Variants in STPG2 observed in about 807,000 individuals in gnomAD.
The protein encoded by STPG2 is sperm-tail PG-rich repeat-containing protein 2.
STPG2 carries 56 observed loss-of-function variants against 54.2 expected under a neutral mutation model. The ratio of observed to expected loss-of-function variants is 1.03; its 90% CI spans 0.83 to 1.29. The LOEUF (loss-of-function observed/expected upper bound fraction) is 1.29. Among genes scored for constraint, STPG2 ranks in the 50% most tolerant of loss-of-function variants. The pLI is 0.00. For synonymous variants in STPG2, 200 were observed against 181.8 expected, an observed-to-expected ratio of 1.10 and a Z score of -0.81; for missense variants, 596 against 544.9, an observed-to-expected ratio of 1.09 and a Z score of -0.93.
intron 9 of STPG2, among the ~76,000 whole-genome samples, chr4:97,772,130 G>A (rs757112193): frequency 4.6e-5 from 7 of 152,100 alleles, no homozygotes; most frequent in Non-Finnish European, 1.0e-4. Context: ...AAAGGAATTT[G>A]GTCCATTTGA....
intron 8 of STPG2, among the ~76,000 whole-genome samples, chr4:97,875,060 G>A (rs1009629464): frequency 6.6e-6 from 1 of 151,868 alleles, no homozygotes; most frequent in African/African-American, 2.4e-5. Flanking sequence ...ATATGGATAT[G>A]CTAGTCTGTT....
intron 10 of STPG2, among the ~76,000 whole-genome samples, chr4:97,682,734 A>T (rs988823490): frequency 6.6e-6 from 1 of 151,978 alleles, no homozygotes; most frequent in East Asian, 1.9e-4. Flanking sequence ...AGAGCCATAT[A>T]AACCTTAAGT....
At chr4:98,046,860 G>C (rs984000421) in intron 5 of STPG2, among the ~76,000 whole-genome samples, 1 of 152,130 alleles carries the variant, frequency 6.6e-6, no homozygotes, top group Non-Finnish European at 1.5e-5. Context: ...CTGGAGTCTT[G>C]GTTCTATCTC....
At chr4:97,488,819 G>A (rs968219907) in intron 4 of STPG2, among the ~76,000 whole-genome samples, 1 of 151,714 alleles carries the variant, frequency 6.6e-6, no homozygotes, top group Non-Finnish European at 1.5e-5. Context: ...GTAACTACAT[G>A]ATGGTCAAGA....
At chr4:97,969,681 T>G (rs969555625) in intron 7 of STPG2, among the ~76,000 whole-genome samples, 1 of 152,152 alleles carries the variant, frequency 6.6e-6, no homozygotes, top group African/African-American at 2.4e-5. Flanking sequence ...AAAAGCTATC[T>G]ATGACAAACC....
At chr4:97,845,041 T>C (rs1728908114) in intron 8 of STPG2, among the ~76,000 whole-genome samples, 1 of 152,022 alleles carries the variant, frequency 6.6e-6, no homozygotes, top group Non-Finnish European at 1.5e-5. Flanking sequence ...GCTTCTATTA[T>C]CTATTAAGAT....
At chr4:98,072,482 G>A (rs1738033653) in intron 5 of STPG2, among the ~76,000 whole-genome samples, 2 of 151,950 alleles carry the variant, frequency 1.3e-5, no homozygotes, top group Admixed American at 1.3e-4. Context: ...GGGTTGGTCT[G>A]TGCAGCAAAC....
intron 8 of STPG2, among the ~76,000 whole-genome samples, chr4:97,935,360 T>C (rs1053065245): frequency 1.3e-5 from 2 of 152,214 alleles, no homozygotes; most frequent in African/African-American, 4.8e-5. Context: ...TTTGGAATAA[T>C]TTTTCGCATC....
intron 8 of STPG2, among the ~76,000 whole-genome samples, chr4:97,930,425 G>C (rs146408984): frequency 6.6e-6 from 1 of 152,088 alleles, no homozygotes; most frequent in Non-Finnish European, 1.5e-5. Flanking sequence ...GTCATTTATT[G>C]AATTGGGAAT....
At chr4:97,559,258 A>T in intron 10 of STPG2, 141 bp from the exon 11 acceptor site, 2 of 581,244 alleles carry the variant, frequency 3.4e-6, no homozygotes, top group Non-Finnish European at 6.0e-6. Context: ...TAATCTACTT[A>T]CATCGATAGA....
chr4:97,836,108 T>C (rs1054030190), intron 9 of STPG2, among the ~76,000 whole-genome samples: 4 of 152,056 alleles, frequency 2.6e-5, no homozygotes, highest in African/African-American at 9.7e-5. Flanking sequence ...GTTGTAGGGT[T>C]AGGGAGGATT....
intron 9 of STPG2, among the ~76,000 whole-genome samples, chr4:97,756,781 GA>G (rs1037709197): frequency 3.4e-4 from 49 of 145,838 alleles, no homozygotes; most frequent in Admixed American, 7.5e-4. Context: ...TATTTCAATG[GA>G]AAAAAAAAAC....
chr4:97,999,934 C>A (rs1465962726), intron 5 of STPG2, among the ~76,000 whole-genome samples: 1 of 151,946 alleles, frequency 6.6e-6, no homozygotes. Flanking sequence ...AATGTGGTGT[C>A]CAGAGAATTT....
At chr4:97,516,721 C>T (rs771255065) in intron 4 of STPG2, among the ~76,000 whole-genome samples, 17 of 151,138 alleles carry the variant, frequency 1.1e-4, no homozygotes, top group Admixed American at 3.3e-4. Context: ...TCAGTTACTC[C>T]GGAGGCTAAG....
chr4:97,549,834 T>C (rs2148866867), intron 4 of STPG2, among the ~76,000 whole-genome samples: 1 of 152,286 alleles, frequency 6.6e-6, no homozygotes, highest in South Asian at 2.1e-4. Flanking sequence ...TGCTGACACC[T>C]TGATCTTGTA....
At chr4:98,109,089 T>C in intron 4 of STPG2, 104 bp downstream of exon 4, 1 of 592,426 alleles carries the variant, frequency 1.7e-6, no homozygotes. Context: ...TTGGAGTTTT[T>C]CATACTAATT....
At chr4:97,726,513 A>G (rs1724629661) in intron 9 of STPG2, among the ~76,000 whole-genome samples, 2 of 151,948 alleles carry the variant, frequency 1.3e-5, no homozygotes, top group Non-Finnish European at 2.9e-5. Flanking sequence ...AATGATCTAG[A>G]TCTGAAACTA....
intron 10 of STPG2, among the ~76,000 whole-genome samples, chr4:97,640,695 GTAAATATAAACAAAAAATTTA>G (rs1196214044): frequency 6.6e-6 from 1 of 151,148 alleles, no homozygotes; most frequent in Non-Finnish European, 1.5e-5. Context: ...ACATGAAGAA[GTAAATATAAACAAAAAATTTA>G]TAATATATTA....
chr4:97,964,463 G>A (rs1734014347), intron 7 of STPG2, among the ~76,000 whole-genome samples: 1 of 151,886 alleles, frequency 6.6e-6, no homozygotes, highest in African/African-American at 2.4e-5. Flanking sequence ...GTCTCTTAAT[G>A]ATAAAAAAAG....
Sources: allele counts gnomAD v4.1 joint callset (sites outside exome capture counted in the v4.1 genomes callset), GRCh38; gene constraint gnomAD v4.1.1; transcripts MANE v1.5; gene names NCBI Gene and HGNC (gene_info 2026-07-23, HGNC 2026-07-21).